The following OTUD7A variants were observed in gnomAD, a reference collection of about 807,000 sequenced individuals.
OTUD7A encodes OTU deubiquitinase 7A.
A neutral mutation model predicts 65.7 loss-of-function variants in OTUD7A; 12 were observed. That is an observed-to-expected ratio of 0.18 (90% CI 0.12 to 0.30). The LOEUF is 0.30. Among genes scored for constraint, OTUD7A ranks in the 10% least tolerant of loss-of-function variants. The pLI is 1.00. For missense variants in OTUD7A, 1,148 were observed against 1,304.8 expected (o/e 0.88, Z 1.85); for synonymous variants, 641 against 586.3 (o/e 1.09, Z -1.35).
At position 31,481,732 on chromosome 15, in the gene OTUD7A, A is replaced by G. The variant is rs1484118275; in HGVS notation, c.*1562T>C. 1 of 152,288 alleles carries G rather than the reference A, an allele frequency of 6.6e-6. No homozygotes were observed. Among genetic ancestry groups the G allele is most frequent in the East Asian group, 1.9e-4 (1 of 5,196 alleles). The allele number at this position is 152,288 out of a possible 1,614,324, so 9.4% of individuals were successfully genotyped here. ...TATAATTTCTCAAACAAGTAAAAAA[A>G]ATCCCCTCGCCCCCCCTTTTTTTTT... On this transcript the variant is annotated 3_prime_UTR_variant, in exon 13 of 13. Coordinates refer to ENST00000307050, the MANE Select transcript of OTUD7A (RefSeq NM_001382637.1).
intron 1 of OTUD7A, among the ~76,000 whole-genome samples, chr15:31,679,039 G>T (rs1324185679): frequency 1.3e-5 from 2 of 152,250 alleles, no homozygotes; most frequent in Non-Finnish European, 2.9e-5. Context: ...AGCATGACCT[G>T]GATGTGAGAC....
At chr15:31,683,810 A>C (rs548029244) in intron 1 of OTUD7A, among the ~76,000 whole-genome samples, 1 of 152,128 alleles carries the variant, frequency 6.6e-6, no homozygotes, top group Non-Finnish European at 1.5e-5. Context: ...GGTACTTTTT[A>C]TATCAAAATA....
chr15:31,606,229 G>GT (rs1169443801), intron 3 of OTUD7A, among the ~76,000 whole-genome samples: 2 of 152,198 alleles, frequency 1.3e-5, no homozygotes, highest in Non-Finnish European at 2.9e-5. Flanking sequence ...GTGAAACTTT[G>GT]TTTAACTATT....
rs1267251214 is a variant in OTUD7A at position 31,484,750 on chromosome 15, G to C, written c.1372-26C>G. 1 of 1,585,678 alleles carries C rather than the reference G, an allele frequency of 6.3e-7. No homozygotes were observed. Among genetic ancestry groups the C allele is most frequent in the Non-Finnish European group, 8.5e-7 (1 of 1,172,860 alleles). Reference sequence around the variant, plus strand: ...CTGTGTGGAGAGGGAGGGCCGGATCGAAGGTGGTTAGAGAAGAGCTGTCCA... The same window carrying C: ...CTGTGTGGAGAGGGAGGGCCGGATCCAAGGTGGTTAGAGAAGAGCTGTCCA... On this transcript the variant is annotated intron_variant, in intron 12 of 12. Transcript: ENST00000307050. This position sits in a 1 kb window ranked among gnomAD's most constrained non-coding sequence, Gnocchi z 4.5.
At chr15:31,826,018 T>C (rs573439535) in intron 1 of OTUD7A, among the ~76,000 whole-genome samples, 1 of 152,336 alleles carries the variant, frequency 6.6e-6, no homozygotes, top group Admixed American at 6.5e-5. Flanking sequence ...AGCTGCTTTT[T>C]GGGCTGGCAT....
intron 3 of OTUD7A, among the ~76,000 whole-genome samples, chr15:31,610,484 C>T (rs1890368696): frequency 6.6e-6 from 1 of 150,942 alleles, no homozygotes; most frequent in African/African-American, 2.4e-5. Context: ...AACATTTCAT[C>T]CAAGAACTGT....
Position 31,756,584 on chromosome 15 carries a change from G to C in OTUD7A, c.-99-99507C>G, listed in dbSNP as rs186326179. 5.4e-5 allele frequency among the ~76,000 whole-genome samples: 8 copies of C among 148,444 alleles called. No homozygotes were observed. The East Asian group carries it at 1.6e-3, about 30-fold the overall frequency. On this transcript the variant is annotated intron_variant, in intron 1 of 12. Transcript: ENST00000307050. The stretch of plus-strand genomic sequence containing the variant: ...GGGCTGCCCTCTCATCCATTCACTG[G>C]GTCCTTTCTGAGGACAGGAATGCAT...
chr15:31,623,580 T>C (rs1285735945), intron 3 of OTUD7A, among the ~76,000 whole-genome samples: 1 of 152,210 alleles, frequency 6.6e-6, no homozygotes, highest in East Asian at 1.9e-4. Flanking sequence ...TGGGATATAA[T>C]CTCCTGGTGT....
rs978930376 is a variant in OTUD7A, at chr15:31,526,512, CCTCCT to C, written c.781-56_781-52del. On this transcript the variant is annotated intron_variant, in intron 7 of 12. Coordinates refer to ENST00000307050, the MANE Select transcript of OTUD7A (RefSeq NM_001382637.1). The stretch of plus-strand genomic sequence containing the variant: ...GGGGGGTGGGCCACAGCTGCGCTGC[CCTCCT>C]CTCCTCACCCTCCCAATCTGGACCA... The C allele has an allele frequency of 3.5e-6, 5 of 1,409,078 alleles. No individual in the cohort carries two copies. In the African/African-American group the frequency reaches 5.7e-5, roughly 16 times the overall value. The allele number at this position is 1,409,078 out of a possible 1,614,324, so 87.3% of individuals were successfully genotyped here.
chr15:31,561,886 T>C (rs905123093), intron 4 of OTUD7A, among the ~76,000 whole-genome samples: 2 of 151,996 alleles, frequency 1.3e-5, no homozygotes, highest in Admixed American at 6.6e-5. Flanking sequence ...ATTACCATGA[T>C]CAAAGTTATG....
At chr15:31,548,255 G>A (rs1888201302) in intron 5 of OTUD7A, among the ~76,000 whole-genome samples, 1 of 150,500 alleles carries the variant, frequency 6.6e-6, no homozygotes, top group African/African-American at 2.4e-5. Context: ...TCTGTCAGAT[G>A]TTCCTGCGCG....
At chr15:31,866,543 T>A (rs1897879887) in intron 1 of OTUD7A, among the ~76,000 whole-genome samples, 2 of 152,242 alleles carry the variant, frequency 1.3e-5, no homozygotes, top group Non-Finnish European at 2.9e-5. Flanking sequence ...TTGTGGCATC[T>A]GTGTTAAGGC....
chr15:31,648,988 T>C (rs1209600337), intron 3 of OTUD7A, among the ~76,000 whole-genome samples: 7 of 152,194 alleles, frequency 4.6e-5, no homozygotes, highest in African/African-American at 1.7e-4. Flanking sequence ...CTCGAACTCC[T>C]GACCTCAGGT....
rs1381759956 is a variant in OTUD7A at position 31,481,030 on chromosome 15, C to T, written c.*2264G>A. The T allele has an allele frequency of 6.6e-6, 1 of 152,168 alleles. No homozygotes were observed. The highest frequency in any genetic ancestry group is 2.4e-5 in the African/African-American group (1 of 41,442). 9.4% of individuals were successfully genotyped at this position (152,168 alleles called of 1,614,324 possible). On this transcript the variant is annotated 3_prime_UTR_variant, in exon 13 of 13. Transcript: ENST00000307050. ...ACTCTGCCTGGTTTGGAAGGTTTTC[C>T]TCTATTACAATGGACGGTTTTTATT...
chr15:31,536,145 C>T (rs1444615892), intron 5 of OTUD7A, among the ~76,000 whole-genome samples: 1 of 152,204 alleles, frequency 6.6e-6, no homozygotes, highest in Admixed American at 6.5e-5. Flanking sequence ...CAAAGGTAAT[C>T]TCCAGGCTGA....
At chr15:31,715,435 T>TC (rs1240403117) in intron 1 of OTUD7A, among the ~76,000 whole-genome samples, 3 of 151,782 alleles carry the variant, frequency 2.0e-5, no homozygotes, top group Non-Finnish European at 4.4e-5. Context: ...TCCTTTTAGT[T>TC]CAAGTGTCTG....
rs75707484 is a variant in OTUD7A, at chr15:31,805,106, C to A, written c.-100+65401G>T. On this transcript the variant is annotated intron_variant, in intron 1 of 12. Transcript: ENST00000307050. Reference sequence around the variant, plus strand: ...TTTTCTTGCCCGATCTCCACATACACACAGCCCCTGCAGAGGCAACAGGTC... The same window carrying A: ...TTTTCTTGCCCGATCTCCACATACAAACAGCCCCTGCAGAGGCAACAGGTC... Among the ~76,000 whole-genome samples, 994 of 152,342 alleles carry A rather than the reference C, an allele frequency of 6.5e-3. 8 individuals carry two copies. Among genetic ancestry groups the A allele is most frequent in the African/African-American group, 0.021 (859 of 41,570 alleles).
intron 5 of OTUD7A, among the ~76,000 whole-genome samples, chr15:31,547,886 C>T (rs749490305): frequency 2.0e-5 from 3 of 152,142 alleles, no homozygotes; most frequent in Non-Finnish European, 4.4e-5. Context: ...GTAGACAAAT[C>T]AGCTTAAACT....
chr15:31,669,220 T>A (rs1485869919), intron 1 of OTUD7A, among the ~76,000 whole-genome samples: 2 of 152,280 alleles, frequency 1.3e-5, no homozygotes, highest in South Asian at 2.1e-4. Context: ...CTCCCAAGAT[T>A]ACATGCCATT....
Sources: allele counts gnomAD v4.1 joint callset (sites outside exome capture counted in the v4.1 genomes callset), GRCh38; gene constraint gnomAD v4.1.1; non-coding constraint Gnocchi (gnomAD v3.1); transcripts MANE v1.5; gene names NCBI Gene and HGNC (gene_info 2026-07-23, HGNC 2026-07-21).